TENM2: variants seen among roughly 807,000 people sequenced by gnomAD.
TENM2 encodes the protein teneurin-2.
TENM2 carries 52 observed loss-of-function variants against 245.2 expected under a neutral mutation model. The ratio of observed to expected loss-of-function variants is 0.21; its 90% CI spans 0.17 to 0.27. The LOEUF (loss-of-function observed/expected upper bound fraction) is 0.27, where lower values mean the gene tolerates loss of function less well. Ranked by LOEUF, TENM2 falls within the 10% of genes least tolerant of loss-of-function variation. TENM2 has a pLI of 1.00. For missense variants in TENM2, 3,046 were observed against 3,666.8 expected (o/e 0.83, Z 4.37); for synonymous variants, 1,363 against 1,438.9 (o/e 0.95, Z 1.19).
chr5:167,612,763 C>T (rs1339621734), intron 2 of TENM2, among the ~76,000 whole-genome samples: 3 of 152,020 alleles, frequency 2.0e-5, no homozygotes, highest in African/African-American at 7.2e-5. Context: ...TAATATATGA[C>T]TTCTCTTTGA....
intron 12 of TENM2, among the ~76,000 whole-genome samples, chr5:168,153,826 G>A (rs986529038): frequency 2.0e-5 from 3 of 152,142 alleles, no homozygotes; most frequent in Non-Finnish European, 4.4e-5. Flanking sequence ...GCTGGTCCCA[G>A]GACCACACTT....
chr5:167,756,743 C>G (rs13174776), intron 2 of TENM2, among the ~76,000 whole-genome samples: 115,474 of 152,024 alleles, frequency 0.76, 46,956 homozygotes, highest in East Asian at 1. Flanking sequence ...ACTAGGAGCA[C>G]CTCACCAAGC....
At chr5:167,592,772 G>C (rs1278119229) in intron 2 of TENM2, among the ~76,000 whole-genome samples, 1 of 152,070 alleles carries the variant, frequency 6.6e-6, no homozygotes, top group South Asian at 2.1e-4. Flanking sequence ...TTACAGATAA[G>C]CTCTTATTTA....
At chr5:167,946,643 T>C (rs925629611) in intron 3 of TENM2, among the ~76,000 whole-genome samples, 2 of 152,196 alleles carry the variant, frequency 1.3e-5, no homozygotes, top group Non-Finnish European at 2.9e-5. Flanking sequence ...CCTCCCTGTG[T>C]GCCTGTGTTC....
intron 12 of TENM2, among the ~76,000 whole-genome samples, chr5:168,131,077 C>T (rs1754538991): frequency 6.6e-6 from 1 of 152,128 alleles, no homozygotes; most frequent in Non-Finnish European, 1.5e-5. Context: ...AACAATTGGG[C>T]AAAATGCAAG....
intron 2 of TENM2, among the ~76,000 whole-genome samples, chr5:167,677,582 A>G (rs1315612547): frequency 6.6e-6 from 1 of 151,542 alleles, no homozygotes; most frequent in East Asian, 1.9e-4. Flanking sequence ...TTCAACTTTT[A>G]TTCACCACCC....
intron 8 of TENM2, among the ~76,000 whole-genome samples, chr5:168,096,949 G>A (rs928420626): frequency 2.0e-5 from 3 of 152,132 alleles, no homozygotes; most frequent in Non-Finnish European, 4.4e-5. Context: ...TCCTTTGAAG[G>A]TATTACTTGA....
At chr5:168,236,954 A>G (rs1562318475) in intron 25 of TENM2, among the ~76,000 whole-genome samples, 3 of 1,126 alleles carry the variant, frequency 2.7e-3, no homozygotes, top group African/African-American at 8.9e-3. Context: ...ATATATATAT[A>G]TATATATATA....
At chr5:167,319,576 C>T (rs1180091099) in intron 1 of TENM2, among the ~76,000 whole-genome samples, 1 of 152,130 alleles carries the variant, frequency 6.6e-6, no homozygotes, top group African/African-American at 2.4e-5. Flanking sequence ...GTTTACCCTC[C>T]TTATTGTACA....
At chr5:167,082,008 G>T in the TENM2 span, among the ~76,000 whole-genome samples, 1 of 152,146 alleles carries the variant, frequency 6.6e-6, no homozygotes, top group South Asian at 2.1e-4. Flanking sequence ...GGTTTAATCT[G>T]TGACTGCTCT....
At chr5:168,243,592 G>A (rs973197025) in intron 25 of TENM2, among the ~76,000 whole-genome samples, 15 of 152,222 alleles carry the variant, frequency 9.9e-5, no homozygotes, top group Middle Eastern at 3.4e-3. Context: ...AGAAATTATG[G>A]CACCTGTTCT....
At chr5:167,477,264 TAAAA>T (rs10545252) in intron 2 of TENM2, among the ~76,000 whole-genome samples, 22 of 140,486 alleles carry the variant, frequency 1.6e-4, no homozygotes, top group African/African-American at 4.2e-4. Context: ...TGAATAATAG[TAAAA>T]AAAAAAAAAA....
intron 2 of TENM2, among the ~76,000 whole-genome samples, chr5:167,479,199 GT>G (rs1767599523): frequency 6.6e-6 from 1 of 152,090 alleles, no homozygotes; most frequent in South Asian, 2.1e-4. Context: ...AGTTATCATG[GT>G]TTTTTTGTAA....
At chr5:168,255,699 C>T (rs572698996) in intron 27 of TENM2, among the ~76,000 whole-genome samples, 1 of 152,178 alleles carries the variant, frequency 6.6e-6, no homozygotes, top group African/African-American at 2.4e-5. Flanking sequence ...AATTTAATTG[C>T]TTGACTTTGT....
intron 8 of TENM2, among the ~76,000 whole-genome samples, chr5:168,093,863 A>G (rs1384749075): frequency 6.6e-6 from 1 of 152,200 alleles, no homozygotes; most frequent in African/African-American, 2.4e-5. Context: ...TTGCCACGTC[A>G]TTGTTTTTCC....
intron 1 of TENM2, chr5:167,297,685 C>T (rs1372794818): frequency 1.3e-5 from 2 of 151,934 alleles, no homozygotes; most frequent in African/African-American, 4.8e-5. Context: ...AGTAACAAGG[C>T]TGTTTATTTC....
intron 7 of TENM2, among the ~76,000 whole-genome samples, chr5:168,084,981 CTAG>C (rs1481503438): frequency 6.6e-6 from 1 of 152,204 alleles, no homozygotes; most frequent in African/African-American, 2.4e-5. Context: ...GCAGCTACAA[CTAG>C]GTTCTTGGAA....
intron 27 of TENM2, among the ~76,000 whole-genome samples, chr5:168,250,110 GGATGGA>G (rs1766973617): frequency 4.2e-4 from 4 of 9,498 alleles, no homozygotes; most frequent in East Asian, 3.0e-3. Context: ...ATGAGTGGAT[GGATGGA>G]TGGATGGATG....
At position 168,166,653 on chromosome 5, in the gene TENM2, G is replaced by A. The variant is rs569096621; in HGVS notation, c.2569+3896G>A. ...TAGTAAATATCCCAGCAGTGCTGAC[G>A]CAGGGGACGCTGATGCAGGTCCTCT... On this transcript the variant is annotated intron_variant, in intron 13 of 28. Transcript: ENST00000518659. 4.6e-5 allele frequency among the ~76,000 whole-genome samples: 7 copies of A among 152,300 alleles called. No individual in the cohort carries two copies. The South Asian group carries it at 1.2e-3, about 27-fold the overall frequency.
Sources: allele counts gnomAD v4.1 joint callset (sites outside exome capture counted in the v4.1 genomes callset), GRCh38; gene constraint gnomAD v4.1.1; transcripts MANE v1.5; gene names NCBI Gene and HGNC (gene_info 2026-07-23, HGNC 2026-07-21).